The following PLS1 variants were observed in gnomAD, a reference collection of about 807,000 sequenced individuals.
PLS1 encodes the protein plastin 1.
In PLS1, 32 loss-of-function variants were observed where a neutral mutation model predicts 73.7. The ratio of observed to expected loss-of-function variants is 0.43; its 90% CI spans 0.33 to 0.58. The LOEUF is 0.58. PLS1 is among the 20% of genes least tolerant of loss of function. PLS1 has a pLI of 0.04. For synonymous variants in PLS1, 217 were observed against 261.3 expected, an observed-to-expected ratio of 0.83 and a Z score of 1.63; for missense variants, 633 against 740.5, an observed-to-expected ratio of 0.85 and a Z score of 1.68.
At chr3:142,700,479 C>T (rs997761640) in intron 12 of PLS1, among the ~76,000 whole-genome samples, 2 of 152,100 alleles carry the variant, frequency 1.3e-5, no homozygotes, top group Non-Finnish European at 2.9e-5. Context: ...CCCGCCACCA[C>T]GCTCGGCTAA....
intron 6 of PLS1, among the ~76,000 whole-genome samples, chr3:142,679,277 A>G (rs1267976261): frequency 6.6e-6 from 1 of 150,968 alleles, no homozygotes; most frequent in Non-Finnish European, 1.5e-5. Flanking sequence ...CTTTAGTTTA[A>G]TTAGATCCCA....
intron 6 of PLS1, among the ~76,000 whole-genome samples, chr3:142,679,016 A>G (rs201903044): frequency 6.8e-6 from 1 of 148,060 alleles, no homozygotes; most frequent in Non-Finnish European, 1.5e-5. Flanking sequence ...CATTTCTCTG[A>G]TGGCCAGTGA....
intron 1 of PLS1, chr3:142,597,229 C>T (rs960589784): frequency 4.0e-5 from 6 of 151,796 alleles, no homozygotes; most frequent in African/African-American, 1.5e-4. Flanking sequence ...TGATATCTTT[C>T]CCTCCAGCCA....
chr3:142,653,582 T>A (rs1317692960), intron 1 of PLS1, among the ~76,000 whole-genome samples: 1 of 152,050 alleles, frequency 6.6e-6, no homozygotes, highest in African/African-American at 2.4e-5. Context: ...CAAGCTGGTC[T>A]CCATCTCCTG....
intron 1 of PLS1, among the ~76,000 whole-genome samples, chr3:142,647,151 G>T (rs1442169613): frequency 6.6e-6 from 1 of 152,146 alleles, no homozygotes. Flanking sequence ...ATTACCAATA[G>T]TCAAAAAGAC....
At chr3:142,651,597 G>A (rs532247267) in intron 1 of PLS1, among the ~76,000 whole-genome samples, 4 of 152,144 alleles carry the variant, frequency 2.6e-5, no homozygotes, top group Admixed American at 2.0e-4. Context: ...GAGTAGCTGG[G>A]ACTCCAGGCA....
chr3:142,681,406 C>T (rs1364017551), intron 6 of PLS1, among the ~76,000 whole-genome samples: 1 of 152,126 alleles, frequency 6.6e-6, no homozygotes, highest in Non-Finnish European at 1.5e-5. Context: ...AAATAGGCTT[C>T]TTCAAGAATG....
intron 1 of PLS1, among the ~76,000 whole-genome samples, chr3:142,599,305 A>G (rs2035870167): frequency 6.7e-6 from 1 of 149,054 alleles, no homozygotes; most frequent in Non-Finnish European, 1.5e-5. Context: ...AATTGTATAG[A>G]GGAGGGACTC....
At chr3:142,615,363 A>C (rs1344183883) in intron 1 of PLS1, among the ~76,000 whole-genome samples, 1 of 152,176 alleles carries the variant, frequency 6.6e-6, no homozygotes, top group African/African-American at 2.4e-5. Context: ...TGGCTGAGAC[A>C]AGGCAGGGTG....
At chr3:142,612,819 C>T (rs887134407) in intron 1 of PLS1, among the ~76,000 whole-genome samples, 24 of 152,074 alleles carry the variant, frequency 1.6e-4, no homozygotes, top group African/African-American at 3.9e-4. Context: ...TCACCCAGGC[C>T]GGAGTGTGGT....
At chr3:142,703,639 T>C (rs560189857) in intron 12 of PLS1, among the ~76,000 whole-genome samples, 5 of 152,300 alleles carry the variant, frequency 3.3e-5, no homozygotes, top group African/African-American at 1.2e-4. Context: ...CTTAAAACTT[T>C]CCGGCCAGTT....
intron 4 of PLS1, among the ~76,000 whole-genome samples, chr3:142,673,044 T>C (rs1202747942): frequency 6.6e-6 from 1 of 152,204 alleles, no homozygotes; most frequent in Non-Finnish European, 1.5e-5. Context: ...TTGACAGGCT[T>C]CTTCACTGGT....
At chr3:142,652,190 T>G (rs1286134544) in intron 1 of PLS1, among the ~76,000 whole-genome samples, 1 of 152,178 alleles carries the variant, frequency 6.6e-6, no homozygotes, top group Non-Finnish European at 1.5e-5. Context: ...AAGAACTGAT[T>G]CCCACTTCGT....
At chr3:142,611,750 T>A (rs1210154324) in intron 1 of PLS1, among the ~76,000 whole-genome samples, 1 of 152,218 alleles carries the variant, frequency 6.6e-6, no homozygotes, top group African/African-American at 2.4e-5. Flanking sequence ...GATTTTATGA[T>A]AATCATGAAT....
intron 1 of PLS1, among the ~76,000 whole-genome samples, chr3:142,626,874 T>C (rs141106812): frequency 6.6e-6 from 1 of 152,362 alleles, no homozygotes; most frequent in East Asian, 1.9e-4. Context: ...ACCAGGCATG[T>C]ACAAACTGTA....
intron 1 of PLS1, among the ~76,000 whole-genome samples, chr3:142,639,205 A>G (rs2036776888): frequency 6.6e-6 from 1 of 152,166 alleles, no homozygotes. Context: ...GTATCATAGC[A>G]TGGATAGGAG....
chr3:142,694,496 G>A lies in PLS1; in HGVS notation c.1205G>A (p.Arg402Gln), dbSNP rs138340155. Reference sequence around the variant, plus strand: ...GAGAGCAAGGAAGAGAGAACATTTCGGAACTGGATGAATTCCTTGGGAGTC... The same window carrying A: ...GAGAGCAAGGAAGAGAGAACATTTCAGAACTGGATGAATTCCTTGGGAGTC... The part of the protein sequence containing the change: ...EGESKEERTF[R>Q]NWMNSLGVNP... The change falls in exon 11 of 16, where the codon CGG becomes CAG. Residue 402 changes from arginine to glutamine, a missense_variant. Transcript: ENST00000457734. The A allele has an allele frequency of 1.5e-3, 2,464 of 1,605,274 alleles. 4 individuals carry two copies. Among genetic ancestry groups the A allele is most frequent in the Non-Finnish European group, 2.0e-3 (2,294 of 1,172,238 alleles).
intron 1 of PLS1, among the ~76,000 whole-genome samples, chr3:142,614,972 G>A (rs910470712): frequency 6.6e-6 from 1 of 152,160 alleles, no homozygotes; most frequent in Non-Finnish European, 1.5e-5. Context: ...GGGTCTCAAG[G>A]CAGGGTGTCA....
At chr3:142,639,327 CCT>C (rs765737545) in intron 1 of PLS1, among the ~76,000 whole-genome samples, 13 of 152,114 alleles carry the variant, frequency 8.5e-5, no homozygotes, top group Non-Finnish European at 1.6e-4. Flanking sequence ...CTGAATTTCC[CCT>C]TAGTCTGTAA....
Sources: gnomAD v4.1 joint callset for allele counts (sites outside exome capture counted in the v4.1 genomes callset) on GRCh38, gnomAD v4.1.1 for gene constraint, MANE v1.5 for transcripts, NCBI Gene and HGNC (gene_info 2026-07-23, HGNC 2026-07-21) for gene names.